ATRX: variants seen among roughly 807,000 people sequenced by gnomAD.
ATRX encodes ATRX chromatin remodeler.
Under a neutral mutation model 172.6 loss-of-function variants are expected in ATRX, and 12 were observed. The ratio of observed to expected loss-of-function variants is 0.07; its 90% CI spans 0.04 to 0.11. The LOEUF (loss-of-function observed/expected upper bound fraction) is 0.11, where lower values mean the gene tolerates loss of function less well. Ranked by LOEUF, ATRX falls within the 10% of genes least tolerant of loss-of-function variation. ATRX has a pLI of 1.00. For missense variants in ATRX, 1,368 were observed against 1,767.4 expected (o/e 0.77, Z 4.05); for synonymous variants, 674 against 594.7 (o/e 1.13, Z -1.94).
chrX:77,638,517 T>G (rs1379261205), intron 15 of ATRX, among the ~76,000 whole-genome samples: 1 of 112,475 alleles, frequency 8.9e-6, no homozygotes, highest in Non-Finnish European at 1.9e-5. Context: ...TTTGTTTCAC[T>G]GACAGCATTT....
chrX:77,550,979 T>C (rs1326936697), intron 30 of ATRX, among the ~76,000 whole-genome samples: 3 of 111,165 alleles, frequency 2.7e-5, no homozygotes, highest in African/African-American at 9.8e-5. Flanking sequence ...CACAAACAAA[T>C]GGAAGAACAT....
At chrX:77,692,057 C>G (rs1557147281) in intron 6 of ATRX, among the ~76,000 whole-genome samples, 2 of 111,651 alleles carry the variant, frequency 1.8e-5, no homozygotes, top group Non-Finnish European at 3.8e-5. Context: ...CTAGGAATAC[C>G]CTCGTCAACA....
At chrX:77,599,272 T>A (rs1387061551) in intron 25 of ATRX, 139 bp downstream of exon 25, 5 of 634,534 alleles carry the variant, frequency 7.9e-6, no homozygotes, top group Non-Finnish European at 1.3e-5. Context: ...ACTGTAATTA[T>A]GAGTACTTGA....
intron 1 of ATRX, among the ~76,000 whole-genome samples, chrX:77,778,344 G>A (rs1483815788): frequency 2.3e-4 from 25 of 106,834 alleles, no homozygotes; most frequent in African/African-American, 8.6e-4. Context: ...GGAGTTCTAG[G>A]ATGCAGTAAG....
rs2063663889 is a variant in ATRX, at chrX:77,533,849, T to C, written c.6700-10448A>G. 1.8e-5 allele frequency among the ~76,000 whole-genome samples: 2 copies of C among 112,246 alleles called. 1 individual carries two copies. Among genetic ancestry groups the C allele is most frequent in the African/African-American group, 6.5e-5 (2 of 30,921 alleles). On this transcript the variant is annotated intron_variant, in intron 30 of 34. Coordinates refer to ENST00000373344, the MANE Select transcript of ATRX (RefSeq NM_000489.6). ...ACTCTTATCTCTTAATACCTTTCCG[T>C]GGATATCATTTTACATCAAATCCAA...
At chrX:77,622,698 C>CTT (rs1409300929) in intron 19 of ATRX, among the ~76,000 whole-genome samples, 1 of 111,464 alleles carries the variant, frequency 9.0e-6, no homozygotes, top group African/African-American at 3.3e-5. Flanking sequence ...AAGCCCTTTT[C>CTT]TTTTGCAGCT....
At chrX:77,577,535 AAT>A (rs1465468082) in intron 27 of ATRX, among the ~76,000 whole-genome samples, 2 of 111,126 alleles carry the variant, frequency 1.8e-5, no homozygotes, top group African/African-American at 6.5e-5. Flanking sequence ...ATGATTTGCA[AAT>A]ATTTTTCCCA....
intron 15 of ATRX, among the ~76,000 whole-genome samples, chrX:77,636,896 A>AAAG (rs1241537394): frequency 0.026 from 2,469 of 95,327 alleles, 100 homozygotes; most frequent in African/African-American, 0.092. Flanking sequence ...GAAGAAGAAG[A>AAAG]AAGAAGAAGA....
At chrX:77,655,189 A>G (rs1013017533) in intron 13 of ATRX, among the ~76,000 whole-genome samples, 9 of 110,955 alleles carry the variant, frequency 8.1e-5, no homozygotes, top group African/African-American at 2.6e-4. Context: ...GCAAGGGGAA[A>G]AGGTTTTGGA....
chrX:77,750,207 T>C (rs1179415986), intron 1 of ATRX, among the ~76,000 whole-genome samples: 1 of 111,901 alleles, frequency 8.9e-6, no homozygotes, highest in African/African-American at 3.2e-5. Flanking sequence ...AGTTAAACTT[T>C]ATCATAAATA....
At chrX:77,685,111 T>C in intron 7 of ATRX, 105 bp from the exon 8 acceptor site, 1 of 618,683 alleles carries the variant, frequency 1.6e-6, no homozygotes, top group Non-Finnish European at 2.6e-6. Context: ...GGGGAAAATC[T>C]CCAGGACACT....
chrX:77,731,720 G>A (rs2074305602), intron 1 of ATRX, among the ~76,000 whole-genome samples: 1 of 111,121 alleles, frequency 9.0e-6, no homozygotes, highest in Admixed American at 9.7e-5. Flanking sequence ...ATTTCGGAGA[G>A]AAGATGGCCA....
At chrX:77,777,508 A>G (rs2076401348) in intron 1 of ATRX, among the ~76,000 whole-genome samples, 3 of 112,087 alleles carry the variant, frequency 2.7e-5, no homozygotes, top group African/African-American at 9.7e-5. Context: ...ATCCCCCATA[A>G]GCAAATGCAA....
rs190810446 is a variant in ATRX, at chrX:77,565,177, A to G, written c.6327-6331T>C. On this transcript the variant is annotated intron_variant, in intron 28 of 34. Coordinates refer to ENST00000373344, the MANE Select transcript of ATRX (RefSeq NM_000489.6). Reference sequence around the variant, plus strand: ...CCCCCCACCCAGCCAAGGTAATACCAGTAGAGGCCTAGTGAGGAGACTGAA... The same window carrying G: ...CCCCCCACCCAGCCAAGGTAATACCGGTAGAGGCCTAGTGAGGAGACTGAA... Among the ~76,000 whole-genome samples, 8 of 112,156 alleles carry G rather than the reference A, an allele frequency of 7.1e-5. No individual in the cohort carries two copies. The East Asian group carries it at 2.3e-3, about 32-fold the overall frequency.
At chrX:77,657,203 A>G (rs1181632245) in intron 12 of ATRX, among the ~76,000 whole-genome samples, 1 of 111,768 alleles carries the variant, frequency 8.9e-6, no homozygotes, top group Non-Finnish European at 1.9e-5. Flanking sequence ...GGTTTTGACC[A>G]GAAGGCAGGC....
intron 1 of ATRX, among the ~76,000 whole-genome samples, chrX:77,778,295 C>A (rs1427938158): frequency 9.1e-6 from 1 of 109,588 alleles, no homozygotes; most frequent in African/African-American, 3.3e-5. Flanking sequence ...GTGGTCCCAG[C>A]TACTCAGGAG....
At chrX:77,609,951 C>A (rs2067084612) in intron 22 of ATRX, among the ~76,000 whole-genome samples, 1 of 111,557 alleles carries the variant, frequency 9.0e-6, no homozygotes, top group Non-Finnish European at 1.9e-5. Flanking sequence ...TGACTACAGG[C>A]AACAATAATT....
At chrX:77,759,636 C>A (rs2075643434) in intron 1 of ATRX, among the ~76,000 whole-genome samples, 1 of 110,602 alleles carries the variant, frequency 9.0e-6, no homozygotes, top group Non-Finnish European at 1.9e-5. Flanking sequence ...ATTGCTTGGA[C>A]CTGGGAGGCA....
At chrX:77,621,509 A>C (rs2067580909) in intron 19 of ATRX, among the ~76,000 whole-genome samples, 1 of 111,294 alleles carries the variant, frequency 9.0e-6, no homozygotes, top group African/African-American at 3.3e-5. Context: ...ACGAGGTTTC[A>C]CCATGTTGGT....
Sources: gnomAD v4.1 joint callset for allele counts (sites outside exome capture counted in the v4.1 genomes callset) on GRCh38, gnomAD v4.1.1 for gene constraint, MANE v1.5 for transcripts, NCBI Gene and HGNC (gene_info 2026-07-23, HGNC 2026-07-21) for gene names.